ATP2B2: variants seen among roughly 807,000 people sequenced by gnomAD.
ATP2B2 encodes ATPase plasma membrane Ca2+ transporting 2.
ATP2B2 carries 15 observed loss-of-function variants against 120.0 expected under a neutral mutation model. The observed-to-expected ratio is 0.12, with a 90% CI of 0.08 to 0.19. The LOEUF is 0.19. Among genes scored for constraint, ATP2B2 ranks in the 10% least tolerant of loss-of-function variants. ATP2B2 has a pLI of 1.00. For missense variants in ATP2B2, 1,045 were observed against 1,719.8 expected (o/e 0.61, Z 6.94); for synonymous variants, 694 against 700.3 (o/e 0.99, Z 0.14).
chr3:10,371,134 G>C (rs551864772), intron 12 of ATP2B2, among the ~76,000 whole-genome samples: 1 of 152,322 alleles, frequency 6.6e-6, no homozygotes, highest in East Asian at 1.9e-4. Context: ...GTGAATCTGG[G>C]CTGGCCTCCT....
intron 3 of ATP2B2, among the ~76,000 whole-genome samples, chr3:10,529,217 A>G (rs552106985): frequency 6.6e-6 from 1 of 152,344 alleles, no homozygotes; most frequent in South Asian, 2.1e-4. Context: ...AGGGAAACAA[A>G]GACAGGAGGT....
At chr3:10,334,989 G>A (rs2060078753) in intron 22 of ATP2B2, among the ~76,000 whole-genome samples, 1 of 152,206 alleles carries the variant, frequency 6.6e-6, no homozygotes, top group Non-Finnish European at 1.5e-5. Flanking sequence ...GCGCCTGACT[G>A]GAAACATAGC....
intron 22 of ATP2B2, among the ~76,000 whole-genome samples, chr3:10,334,814 A>AG (rs5846654): frequency 1 from 152,217 of 152,222 alleles, 76,106 homozygotes; most frequent in Middle Eastern, 1. Flanking sequence ...GCTTGGCTGC[A>AG]GGGGTTGTGT....
chr3:10,615,423 A>G (rs1455894053), intron 2 of ATP2B2, among the ~76,000 whole-genome samples: 2 of 152,182 alleles, frequency 1.3e-5, no homozygotes, highest in Non-Finnish European at 2.9e-5. Flanking sequence ...GATGACTCCA[A>G]GTTTTGGATT....
chr3:10,597,051 A>C (rs111454722), intron 2 of ATP2B2, among the ~76,000 whole-genome samples: 9 of 123,272 alleles, frequency 7.3e-5, no homozygotes, highest in African/African-American at 2.8e-4. Context: ...ACAGGTGCGC[A>C]CACACACAGG....
At chr3:10,567,703 T>C (rs1388866240) in intron 2 of ATP2B2, among the ~76,000 whole-genome samples, 3 of 152,254 alleles carry the variant, frequency 2.0e-5, no homozygotes, top group Non-Finnish European at 2.9e-5. Flanking sequence ...TTATTATTTC[T>C]ATTGATAATT....
rs1446781892 is a variant in ATP2B2, at chr3:10,683,760, G to GTGTATATATATA, written c.-460+24154_-460+24155insTATATATATACA. Among the ~76,000 whole-genome samples the GTGTATATATATA allele has an allele frequency of 2.1e-3, 115 of 53,846 alleles. 2 individuals are homozygous for GTGTATATATATA. The highest frequency in any genetic ancestry group is 2.6e-3 in the Non-Finnish European group (67 of 26,132). The allele number at this position is 53,846 out of a possible 152,430, so 35.3% of individuals were successfully genotyped here. A position where few individuals can be genotyped will look rare whatever the true frequency, so the allele number is the denominator to read the frequency against. On this transcript the variant is annotated intron_variant, in intron 1 of 21. Coordinates refer to the ATP2B2 transcript ENST00000646379. The stretch of plus-strand genomic sequence containing the variant: ...TATGTGTATATATATGTGTGTGTGT[G>GTGTATATATATA]TATATATATATATATATATATATAT...
At chr3:10,376,089 A>G (rs1001168026) in intron 10 of ATP2B2, among the ~76,000 whole-genome samples, 1 of 152,178 alleles carries the variant, frequency 6.6e-6, no homozygotes, top group Non-Finnish European at 1.5e-5. Flanking sequence ...TTGAGCACCT[A>G]TGACACGCCA....
At chr3:10,356,820 T>C (rs2060745309) in intron 14 of ATP2B2, among the ~76,000 whole-genome samples, 1 of 152,198 alleles carries the variant, frequency 6.6e-6, no homozygotes, top group South Asian at 2.1e-4. Context: ...AAACGGCCTG[T>C]CTGTCCATGG....
At position 10,328,518 on chromosome 3, in the gene ATP2B2, A is replaced by C. The variant is rs1168756447; in HGVS notation, c.*296T>G. On this transcript the variant is annotated 3_prime_UTR_variant, in exon 23 of 23. Coordinates refer to ENST00000360273, the MANE Select transcript of ATP2B2 (RefSeq NM_001001331.4). Reference sequence around the variant, plus strand: ...GGGGACGTGGTGGCTGGGCGGGTGCATGGCTGGTCCATGTCTGGGTGGGAG... The same window carrying C: ...GGGGACGTGGTGGCTGGGCGGGTGCCTGGCTGGTCCATGTCTGGGTGGGAG... 2.4e-6 allele frequency: 1 copy of C among 419,742 alleles called. No homozygotes were observed. 26.0% of individuals were successfully genotyped at this position (419,742 alleles called of 1,614,324 possible). A position where few individuals can be genotyped will look rare whatever the true frequency, so the allele number is the denominator to read the frequency against.
chr3:10,482,329 G>A lies in ATP2B2; in HGVS notation c.-320+23136C>T, dbSNP rs143166097. Among the ~76,000 whole-genome samples the A allele has an allele frequency of 2.6e-4, 39 of 152,270 alleles. 1 individual carries two copies. The highest frequency in any genetic ancestry group is 1.0e-3 in the South Asian group (5 of 4,820). On this transcript the variant is annotated intron_variant, in intron 1 of 22. Coordinates refer to ENST00000360273, the MANE Select transcript of ATP2B2 (RefSeq NM_001001331.4). ...AGCAGAGCACCAGCACTGGCACCCA[G>A]CTCTACCACACTCCAGAGGCCACAC... is the stretch of plus-strand genomic sequence containing the variant.
chr3:10,365,933 T>C lies in ATP2B2; in HGVS notation c.1660-5810A>G, dbSNP rs182265245. On this transcript the variant is annotated intron_variant, in intron 12 of 22. Coordinates refer to ENST00000360273, the MANE Select transcript of ATP2B2 (RefSeq NM_001001331.4). ...CTCTGTTCAAAACTGGAATTCCCCA[T>C]CTGGAGTGATTTCCTTTAAACTCTT... Among the ~76,000 whole-genome samples, 74 of 151,908 alleles carry C rather than the reference T, an allele frequency of 4.9e-4. 2 individuals carry two copies. The highest frequency in any genetic ancestry group is 4.6e-3 in the Admixed American group (71 of 15,278).
chr3:10,506,246 G>T (rs1456645208), upstream of ATP2B2, among the ~76,000 whole-genome samples: 1 of 152,042 alleles, frequency 6.6e-6, no homozygotes, highest in Non-Finnish European at 1.5e-5. Context: ...CTACCCCTGC[G>T]ACCCGCCCTG....
At chr3:10,409,923 A>G (rs1176387341) in intron 3 of ATP2B2, among the ~76,000 whole-genome samples, 5 of 152,250 alleles carry the variant, frequency 3.3e-5, no homozygotes, top group Non-Finnish European at 7.3e-5. Context: ...AAAGCAGATT[A>G]TAAAACAGAT....
chr3:10,434,898 C>G (rs1385922068), intron 2 of ATP2B2, among the ~76,000 whole-genome samples: 6 of 152,258 alleles, frequency 3.9e-5, no homozygotes, highest in Non-Finnish European at 7.3e-5. Flanking sequence ...CCTGGCCCCT[C>G]CCCTGGCCCC....
Position 10,343,242 on chromosome 3 carries a change from T to A in ATP2B2, c.2704-277A>T, listed in dbSNP as rs575386903. On this transcript the variant is annotated intron_variant, in intron 18 of 22. Coordinates refer to ENST00000360273, the MANE Select transcript of ATP2B2 (RefSeq NM_001001331.4). The surrounding 1 kb of genome is among the most constrained non-coding windows in gnomAD (Gnocchi z 4.2). Reference sequence around the variant, plus strand: ...CTGCCTTCTGGTAAATTCAGCTGCATCTCACCATCTTCCCCTCTCCCCTCC... The same window carrying A: ...CTGCCTTCTGGTAAATTCAGCTGCAACTCACCATCTTCCCCTCTCCCCTCC... Among the ~76,000 whole-genome samples, 13 of 152,128 alleles carry A rather than the reference T, an allele frequency of 8.5e-5. No individual in the cohort carries two copies. In the South Asian group the frequency reaches 2.7e-3, roughly 32 times the overall value.
intron 22 of ATP2B2, among the ~76,000 whole-genome samples, chr3:10,337,227 G>T (rs532975390): frequency 6.6e-6 from 1 of 152,214 alleles, no homozygotes; most frequent in South Asian, 2.1e-4. Flanking sequence ...ACAGAGGGGT[G>T]GGAGGTGACC....
intron 2 of ATP2B2, among the ~76,000 whole-genome samples, chr3:10,568,855 TC>T (rs754450514): frequency 3.3e-5 from 5 of 152,286 alleles, no homozygotes; most frequent in Non-Finnish European, 5.9e-5. Flanking sequence ...TCTTCCATTT[TC>T]CCTGCCTGGC....
At chr3:10,604,743 G>T (rs2069016494) in intron 2 of ATP2B2, among the ~76,000 whole-genome samples, 1 of 152,178 alleles carries the variant, frequency 6.6e-6, no homozygotes, top group Admixed American at 6.5e-5. Flanking sequence ...ATTAATAATT[G>T]CATGGAGCAG....
Sources: gnomAD v4.1 joint callset for allele counts (sites outside exome capture counted in the v4.1 genomes callset) on GRCh38, gnomAD v4.1.1 for gene constraint, Gnocchi (gnomAD v3.1) non-coding constraint, MANE v1.5 for transcripts, NCBI Gene and HGNC (gene_info 2026-07-23, HGNC 2026-07-21) for gene names.